JHY: variants seen among roughly 807,000 people sequenced by gnomAD.
JHY encodes junctional cadherin complex regulator, also known as jhy protein homolog.
A neutral mutation model predicts 78.0 loss-of-function variants in JHY; 69 were observed. The observed-to-expected ratio is 0.88, with a 90% CI of 0.73 to 1.08. The LOEUF is 1.08. JHY is among the 50% of genes least tolerant of loss of function. The pLI is 0.00. For missense variants in JHY, 944 were observed against 927.8 expected (o/e 1.02, Z -0.23); for synonymous variants, 368 against 342.6 (o/e 1.07, Z -0.82).
chr11:122,892,296 TAA>T (rs1371040584), intron 2 of JHY, among the ~76,000 whole-genome samples: 1 of 144,644 alleles, frequency 6.9e-6, no homozygotes, highest in African/African-American at 2.5e-5. Context: ...GTCTGCAAGT[TAA>T]AAAAAAAAGG....
chr11:122,928,707 G>A (rs1388917939), intron 4 of JHY, among the ~76,000 whole-genome samples: 1 of 152,156 alleles, frequency 6.6e-6, no homozygotes, highest in Non-Finnish European at 1.5e-5. Context: ...GGAGTGCAGT[G>A]GCACAATCTC....
chr11:122,923,740 C>G (rs914167479), intron 3 of JHY, among the ~76,000 whole-genome samples: 32 of 151,712 alleles, frequency 2.1e-4, no homozygotes, highest in African/African-American at 7.5e-4. Flanking sequence ...TATTTTGAGA[C>G]GGAGGCTCAC....
chr11:122,901,867 T>C (rs1468156648), intron 2 of JHY, among the ~76,000 whole-genome samples: 13 of 149,898 alleles, frequency 8.7e-5, no homozygotes, highest in African/African-American at 2.9e-4. Flanking sequence ...AGCGAGACTC[T>C]GTCTCAAAAA....
chr11:122,957,306 G>C, intron 7 of JHY, 57 bp from the exon 8 acceptor site: 1 of 1,480,256 alleles, frequency 6.8e-7, no homozygotes, highest in Non-Finnish European at 8.9e-7. Flanking sequence ...GCTTTAAATA[G>C]AGAGCAGAGA....
intron 2 of JHY, among the ~76,000 whole-genome samples, chr11:122,900,956 C>T (rs11218882): frequency 0.4 from 60,573 of 152,042 alleles, 12,308 homozygotes; most frequent in East Asian, 0.47. Context: ...GGCAACAATT[C>T]ACAGTTCTCT....
rs1181429291 is a variant in JHY at position 122,898,135 on chromosome 11, G to A, written c.345-5790G>A. Among the ~76,000 whole-genome samples, 1 of 152,176 alleles carries A rather than the reference G, an allele frequency of 6.6e-6. No homozygotes were observed. Among genetic ancestry groups the A allele is most frequent in the Admixed American group, 6.5e-5 (1 of 15,282 alleles). The stretch of plus-strand genomic sequence containing the variant: ...TACTGTATTACTGTTGGTGCATAAA[G>A]CCTGTCCTCCTCATTGAAGGGTAAG... On this transcript the variant is annotated intron_variant, in intron 2 of 8. Transcript: ENST00000227349. The surrounding 1 kb of genome is among the most constrained non-coding windows in gnomAD (Gnocchi z 4.4).
intron 5 of JHY, among the ~76,000 whole-genome samples, chr11:122,946,155 C>T (rs1863954485): frequency 6.6e-6 from 1 of 152,146 alleles, no homozygotes; most frequent in Non-Finnish European, 1.5e-5. Flanking sequence ...TTCTGTTTAT[C>T]TTACCAATTC....
intron 8 of JHY, 69 bp from the exon 9 acceptor site, chr11:122,959,178 TC>T: frequency 6.7e-7 from 1 of 1,494,926 alleles, no homozygotes; most frequent in Non-Finnish European, 9.1e-7. Context: ...AATAAACATT[TC>T]CTAGATTTAA....
rs531830602 is a variant in JHY at position 122,949,626 on chromosome 11, A to G, written c.1929+2834A>G. Among the ~76,000 whole-genome samples, 4 of 152,150 alleles carry G rather than the reference A, an allele frequency of 2.6e-5. No homozygotes were observed. In the South Asian group the frequency reaches 8.3e-4, roughly 32 times the overall value. On this transcript the variant is annotated intron_variant, in intron 6 of 8. Coordinates refer to ENST00000227349, the MANE Select transcript of JHY (RefSeq NM_024806.4). ...CCCCGGGTCTTCAGCTCACAACCCT[A>G]GAGTTCTTACCCCAGCTCCTTCACA...
chr11:122,914,738 C>G lies in JHY; in HGVS notation c.865-10159C>G, dbSNP rs188221381. On this transcript the variant is annotated intron_variant, in intron 3 of 8. Transcript: ENST00000227349. ...GATTACAGGTGTGAGCCACCACACC[C>G]GGCCTGGTGGTGCTTTTGAGTCCCA... Among the ~76,000 whole-genome samples, 13 of 152,214 alleles carry G rather than the reference C, an allele frequency of 8.5e-5. No individual in the cohort carries two copies. The East Asian group carries it at 2.3e-3, about 27-fold the overall frequency.
rs1862408895 is a variant in JHY, at chr11:122,882,880, C to T, written c.-182C>T. ...GTGTTGTCTGCGGTCTCCAGGGCAG[C>T]GCCGGGGCGGGCGGGGGCCCGGGCG... On this transcript the variant is annotated 5_prime_UTR_variant, in exon 1 of 9. Coordinates refer to ENST00000227349, the MANE Select transcript of JHY (RefSeq NM_024806.4). 1.3e-5 allele frequency: 2 copies of T among 152,440 alleles called. No individual in the cohort carries two copies. Among genetic ancestry groups the T allele is most frequent in the African/African-American group, 2.4e-5 (1 of 41,360 alleles). The allele number at this position is 152,440 out of a possible 1,614,324, so 9.4% of individuals were successfully genotyped here.
At chr11:122,921,325 C>T (rs1434790271) in intron 3 of JHY, among the ~76,000 whole-genome samples, 3 of 152,188 alleles carry the variant, frequency 2.0e-5, no homozygotes, top group Non-Finnish European at 2.9e-5. Flanking sequence ...ACTAAGTCCC[C>T]TTTATTTCTT....
At chr11:122,891,101 A>T (rs976090751) in intron 2 of JHY, among the ~76,000 whole-genome samples, 8 of 152,230 alleles carry the variant, frequency 5.3e-5, no homozygotes, top group African/African-American at 1.9e-4. Flanking sequence ...GACTCTCAAT[A>T]TGAAATTCAA....
intron 3 of JHY, chr11:122,905,249 A>G: frequency 6.2e-7 from 1 of 1,613,996 alleles, no homozygotes; most frequent in Non-Finnish European, 8.5e-7. Flanking sequence ...TCCATTTCAC[A>G]GGTGCACATA....
chr11:122,910,716 T>C (rs1308753051), intron 3 of JHY, among the ~76,000 whole-genome samples: 2 of 152,162 alleles, frequency 1.3e-5, no homozygotes, highest in African/African-American at 4.8e-5. Context: ...ACATTTATAG[T>C]ATAAATTTTG....
intron 1 of JHY, among the ~76,000 whole-genome samples, chr11:122,884,775 C>G (rs566795741): frequency 2.6e-5 from 4 of 152,256 alleles, no homozygotes; most frequent in African/African-American, 9.6e-5. Context: ...GCAGAATTCA[C>G]AAGACCACTA....
intron 2 of JHY, among the ~76,000 whole-genome samples, chr11:122,902,872 C>G (rs755926569): frequency 4.6e-5 from 7 of 152,074 alleles, no homozygotes; most frequent in African/African-American, 1.7e-4. Flanking sequence ...GATTACAGTT[C>G]GACATGAGAT....
At chr11:122,952,146 G>A (rs1025698704) in intron 6 of JHY, among the ~76,000 whole-genome samples, 4 of 152,058 alleles carry the variant, frequency 2.6e-5, no homozygotes, top group Non-Finnish European at 4.4e-5. Context: ...GGCTGGAGGC[G>A]GAGGGGGCAA....
intron 3 of JHY, chr11:122,905,533 A>C (rs1315252437): frequency 1.8e-6 from 2 of 1,101,958 alleles, no homozygotes; most frequent in Non-Finnish European, 2.2e-6. Flanking sequence ...GAGGTGGATG[A>C]ACATTTGTGG....
Sources: allele counts gnomAD v4.1 joint callset (sites outside exome capture counted in the v4.1 genomes callset), GRCh38; gene constraint gnomAD v4.1.1; non-coding constraint Gnocchi (gnomAD v3.1); transcripts MANE v1.5; gene names NCBI Gene and HGNC (gene_info 2026-07-23, HGNC 2026-07-21).